The following ARID1B variants were observed in gnomAD, a reference collection of about 807,000 sequenced individuals.
ARID1B encodes the protein AT-rich interaction domain 1B, also known as AT-rich interactive domain-containing protein 1B.
Under a neutral mutation model 212.3 loss-of-function variants are expected in ARID1B, and 30 were observed. The ratio of observed to expected loss-of-function variants is 0.14; its 90% CI spans 0.11 to 0.19. ARID1B has a LOEUF of 0.19. Among genes scored for constraint, ARID1B ranks in the 10% least tolerant of loss-of-function variants. The pLI is 1.00. For synonymous variants in ARID1B, 1,402 were observed against 1,301.7 expected, an observed-to-expected ratio of 1.08 and a Z score of -1.66; for missense variants, 2,891 against 3,204.0, an observed-to-expected ratio of 0.90 and a Z score of 2.36.
chr6:157,200,742 C>A lies in ARID1B; in HGVS notation c.4517C>A (p.Pro1506Gln), dbSNP rs1443644212. The A allele has an allele frequency of 6.2e-7, 1 of 1,613,238 alleles. No individual in the cohort carries two copies. The highest frequency in any genetic ancestry group is 8.5e-7 in the Non-Finnish European group (1 of 1,179,658). ...CATATGGACGGCATGTACGGGCCCC[C>A]AGCCAAGCGCCACGAGGGCGACATG... ...KRHMDGMYGP[P>Q]AKRHEGDMYN... Residue 1506 changes from proline (P) to glutamine (Q), a missense_variant, in exon 18 of 20, where the codon CCA becomes CAA. Pro to Gln is a moderately conservative substitution (Grantham distance 76, BLOSUM62 -1). Around this residue, in one of 7 missense-constraint regions of ARID1B, gnomAD observed 666 missense variants for 873.5 expected, o/e 0.76. Transcript: ENST00000636930. This position sits in a 1 kb window ranked among gnomAD's most constrained non-coding sequence, Gnocchi z 4.3.
intron 3 of ARID1B, among the ~76,000 whole-genome samples, chr6:156,924,410 ATTGCCAGCATCAC>A (rs1791059961): frequency 6.6e-6 from 1 of 152,186 alleles, no homozygotes; most frequent in South Asian, 2.1e-4. Flanking sequence ...TGGCTGACTG[ATTGCCAGCATCAC>A]TATTCTGGTG....
At chr6:156,779,541 CT>C in intron 1 of ARID1B, 70 bp downstream of exon 1, 2 of 1,213,876 alleles carry the variant, frequency 1.6e-6, no homozygotes, top group Non-Finnish European at 2.1e-6. Flanking sequence ...GAGTTTCTTT[CT>C]TTGCCGCGTA....
intron 4 of ARID1B, among the ~76,000 whole-genome samples, chr6:156,967,098 T>C (rs564150065): frequency 2.0e-5 from 3 of 152,376 alleles, no homozygotes; most frequent in Non-Finnish European, 4.4e-5. Flanking sequence ...TTGATAACGC[T>C]GTCTTACTTT....
chr6:157,138,416 T>G (rs577531658), intron 7 of ARID1B, among the ~76,000 whole-genome samples: 1 of 152,236 alleles, frequency 6.6e-6, no homozygotes, highest in East Asian at 1.9e-4. Flanking sequence ...TTTTGTATTT[T>G]TTGTAGAGAC....
At chr6:157,074,247 CAG>C (rs1411357895) in intron 4 of ARID1B, among the ~76,000 whole-genome samples, 2 of 152,158 alleles carry the variant, frequency 1.3e-5, no homozygotes, top group East Asian at 3.8e-4. Flanking sequence ...TTGTTTGAGA[CAG>C]AGTCTCACTC....
intron 4 of ARID1B, among the ~76,000 whole-genome samples, chr6:156,956,015 A>T (rs1793952748): frequency 6.6e-6 from 1 of 151,998 alleles, no homozygotes; most frequent in Non-Finnish European, 1.5e-5. Flanking sequence ...GCCGTCCAGG[A>T]CTGCTGGGTT....
chr6:156,979,564 GT>G (rs10707720), intron 4 of ARID1B, among the ~76,000 whole-genome samples: 11,246 of 147,728 alleles, frequency 0.076, 1,333 homozygotes, highest in African/African-American at 0.26. Context: ...AGCTGTTGCT[GT>G]TTTTTTTTTT....
intron 4 of ARID1B, among the ~76,000 whole-genome samples, chr6:156,991,988 G>GT (rs1477305601): frequency 6.6e-6 from 1 of 152,126 alleles, no homozygotes; most frequent in Non-Finnish European, 1.5e-5. Flanking sequence ...AGTCAATAAA[G>GT]TTTACAAAGA....
At chr6:156,886,769 C>T (rs1787541372) in intron 2 of ARID1B, among the ~76,000 whole-genome samples, 1 of 152,166 alleles carries the variant, frequency 6.6e-6, no homozygotes, top group African/African-American at 2.4e-5. Flanking sequence ...TGTAACTGTG[C>T]CGAGCCTTCC....
chr6:157,169,725 C>T (rs1003460783), intron 9 of ARID1B: 1 of 152,178 alleles, frequency 6.6e-6, no homozygotes, highest in African/African-American at 2.4e-5. Context: ...TTAAAGTGGA[C>T]ATCTAAATTC....
intron 8 of ARID1B, among the ~76,000 whole-genome samples, chr6:157,161,159 A>AT (rs564074879): frequency 5.6e-4 from 85 of 152,018 alleles, no homozygotes; most frequent in Non-Finnish European, 1.1e-3. Context: ...GGTAGAATCT[A>AT]TTTTTTTTAG....
intron 1 of ARID1B, among the ~76,000 whole-genome samples, chr6:156,810,798 G>A (rs1229551014): frequency 6.6e-6 from 1 of 152,216 alleles, no homozygotes; most frequent in East Asian, 1.9e-4. Context: ...TTATGTGGGA[G>A]GGGCAAGAGT....
At chr6:156,817,979 C>T (rs1381145604) in intron 1 of ARID1B, among the ~76,000 whole-genome samples, 2 of 151,936 alleles carry the variant, frequency 1.3e-5, no homozygotes, top group Non-Finnish European at 2.9e-5. Context: ...TGATTGCATA[C>T]TTTAACCTAC....
chr6:157,046,065 A>G (rs1182697156), intron 4 of ARID1B, among the ~76,000 whole-genome samples: 1 of 152,138 alleles, frequency 6.6e-6, no homozygotes, highest in Non-Finnish European at 1.5e-5. Flanking sequence ...AGACAGTTAC[A>G]TGTTTGAGTT....
rs529952009 is a variant in ARID1B, at chr6:156,804,254, T to C, written c.1791+24783T>C. Among the ~76,000 whole-genome samples, 4 of 151,952 alleles carry C rather than the reference T, an allele frequency of 2.6e-5. No individual in the cohort carries two copies. The South Asian group carries it at 6.2e-4, about 24-fold the overall frequency. On this transcript the variant is annotated intron_variant, in intron 1 of 19. Coordinates refer to ENST00000636930, the MANE Select transcript of ARID1B (RefSeq NM_001374828.1). ...TGGGAGGATGAGGCAGGAGAATCAC[T>C]TGAACCTGGAAGCGGAGGTTGCAGT...
At chr6:156,902,460 A>G (rs1696881386) in intron 3 of ARID1B, among the ~76,000 whole-genome samples, 2 of 152,174 alleles carry the variant, frequency 1.3e-5, no homozygotes, top group Admixed American at 1.3e-4. Context: ...CAAAATAAAT[A>G]AATTTACGGA....
chr6:156,800,524 G>A (rs1780701734), intron 1 of ARID1B, among the ~76,000 whole-genome samples: 2 of 152,164 alleles, frequency 1.3e-5, no homozygotes, highest in South Asian at 4.1e-4. Context: ...TGGAGGTGAA[G>A]GTTGCAGTGA....
At chr6:156,970,908 T>G (rs964616047) in intron 4 of ARID1B, among the ~76,000 whole-genome samples, 2 of 152,234 alleles carry the variant, frequency 1.3e-5, no homozygotes, top group African/African-American at 2.4e-5. Flanking sequence ...CCCAGTGTGC[T>G]GTTTGCGTGA....
rs533168402 is a variant in ARID1B at position 157,161,071 on chromosome 6, T to G, written c.3090-5969T>G. Among the ~76,000 whole-genome samples the G allele has an allele frequency of 4.6e-5, 7 of 152,318 alleles. No individual in the cohort carries two copies. The South Asian group carries it at 1.5e-3, about 32-fold the overall frequency. ...TCTTAAAATACTCATCTTGGACAAG[T>G]GATTATAACTGTCAACAAAGCAGTA... On this transcript the variant is annotated intron_variant, in intron 8 of 19. Coordinates refer to ENST00000636930, the MANE Select transcript of ARID1B (RefSeq NM_001374828.1).
Sources: gnomAD v4.1 joint callset for allele counts (sites outside exome capture counted in the v4.1 genomes callset) on GRCh38, gnomAD v4.1.1 for gene constraint, gnomAD v4.1.1 regional missense constraint, Gnocchi (gnomAD v3.1) non-coding constraint, MANE v1.5 for transcripts, NCBI Gene and HGNC (gene_info 2026-07-23, HGNC 2026-07-21) for gene names.